The following ACAA1 variants were observed in gnomAD, a reference collection of about 807,000 sequenced individuals.
The protein encoded by ACAA1 is 3-ketoacyl-CoA thiolase, peroxisomal.
In ACAA1, 44 loss-of-function variants were observed where a neutral mutation model predicts 48.8. The ratio of observed to expected loss-of-function variants is 0.90; its 90% confidence interval spans 0.71 to 1.16. ACAA1 has a LOEUF of 1.16. Ranked by LOEUF, ACAA1 falls within the 50% of genes most tolerant of loss-of-function variation. The probability of loss-of-function intolerance (pLI) is 0.00; values close to 1 mark genes in which losing one functional copy is unlikely to be tolerated. For missense variants in ACAA1, 512 were observed against 562.3 expected (o/e 0.91, Z 0.90); for synonymous variants, 233 against 226.5 (o/e 1.03, Z -0.26).
chr3:38,125,480 A>T, intron 11 of ACAA1, 85 bp downstream of exon 11: 1 of 1,473,436 alleles, frequency 6.8e-7, no homozygotes. Flanking sequence ...TATGATCCAA[A>T]GCCCACCTAC....
chr3:38,125,969 G>C (rs1348058715), intron 9 of ACAA1, 88 bp from the exon 10 acceptor site: 1 of 1,582,710 alleles, frequency 6.3e-7, no homozygotes, highest in African/African-American at 1.3e-5. Context: ...AGGCTGCCTG[G>C]TGTGTGTCTC....
intron 9 of ACAA1, 103 bp from the exon 10 acceptor site, chr3:38,125,984 A>C: frequency 6.4e-7 from 1 of 1,558,564 alleles, no homozygotes; most frequent in Non-Finnish European, 8.8e-7. Flanking sequence ...TGTCTCTTCC[A>C]GAAGGGTGAG....
At chr3:38,124,402 TCCAGA>T in intron 11 of ACAA1, 1 of 152,238 alleles carries the variant, frequency 6.6e-6, no homozygotes, top group East Asian at 1.9e-4. Flanking sequence ...ACCCAGGAGT[TCCAGA>T]CCAGCCTGGG....
At position 38,136,675 on chromosome 3, in the gene ACAA1, G is replaced by C; in HGVS notation, c.182C>G (p.Pro61Arg). The C allele has an allele frequency of 3.7e-6, 6 of 1,612,318 alleles. No individual in the cohort carries two copies. The highest frequency in any genetic ancestry group is 5.1e-6 in the Non-Finnish European group (6 of 1,179,012). Residue 61 changes from proline to arginine, a missense_variant, in exon 2 of 12, where the codon CCC (proline) becomes CGC (arginine). Pro to Arg is a moderately radical substitution (Grantham distance 103, BLOSUM62 -2). Coordinates refer to ENST00000333167, the MANE Select transcript of ACAA1 (RefSeq NM_001607.4). Reference sequence around the variant, plus strand: ...CATGACTGCCGAGAGAAGCTCGTCGGGGGTGGTGTCCTGCAGCAGAAAGAG... The same window carrying C: ...CATGACTGCCGAGAGAAGCTCGTCGCGGGTGGTGTCCTGCAGCAGAAAGAG... ...AGRGGFKDTT[P>R]DELLSAVMTA... is the part of the protein sequence containing the mutation.
At chr3:38,128,589 A>G (rs1200330007) in intron 6 of ACAA1, among the ~76,000 whole-genome samples, 1 of 152,068 alleles carries the variant, frequency 6.6e-6, no homozygotes, top group Non-Finnish European at 1.5e-5. Flanking sequence ...AATGCCACAT[A>G]CTTTTCTTTT....
At chr3:38,134,802 C>T (rs1235261603) in intron 2 of ACAA1, among the ~76,000 whole-genome samples, 1 of 152,184 alleles carries the variant, frequency 6.6e-6, no homozygotes, top group Non-Finnish European at 1.5e-5. Flanking sequence ...CCAAGAAAGC[C>T]TGGGTATTTG....
intron 1 of ACAA1, 45 bp downstream of exon 1, chr3:38,136,820 C>T: frequency 1.3e-6 from 2 of 1,487,952 alleles, no homozygotes; most frequent in South Asian, 1.3e-5. Context: ...CCCCAGCCCG[C>T]GCCGGCGTCT....
chr3:38,123,280 C>T (rs765710557), intron 11 of ACAA1, 158 bp from the exon 12 acceptor site: 10 of 660,722 alleles, frequency 1.5e-5, no homozygotes, highest in Non-Finnish European at 1.9e-5. Context: ...GGCACACACA[C>T]GGTGACAGAT....
intron 3 of ACAA1, 167 bp downstream of exon 3, chr3:38,133,785 A>G: frequency 1.5e-6 from 1 of 660,276 alleles, no homozygotes; most frequent in Non-Finnish European, 2.7e-6. Context: ...TCAGCACTTC[A>G]AAGTAGGGGA....
At chr3:38,134,237 T>C (rs185055640) in intron 2 of ACAA1, 246 of 578,610 alleles carry the variant, frequency 4.3e-4, no homozygotes, top group Non-Finnish European at 5.9e-4. Context: ...CCACGCTCAC[T>C]TGCCCATGCA....
chr3:38,127,712 A>G (rs1700706006), intron 7 of ACAA1, 74 bp downstream of exon 7: 1 of 1,494,968 alleles, frequency 6.7e-7, no homozygotes, highest in Non-Finnish European at 9.3e-7. Context: ...AAATGGTGCC[A>G]CTTCAGACCA....
At chr3:38,127,113 T>C (rs567519570) in intron 7 of ACAA1, among the ~76,000 whole-genome samples, 1 of 152,342 alleles carries the variant, frequency 6.6e-6, no homozygotes, top group Admixed American at 6.5e-5. Flanking sequence ...AAGTGACATA[T>C]ACTAAACTAC....
In ACAA1 at chr3:38,122,947, A is replaced by C. The variant is rs1700566161; in HGVS notation, c.*100T>G. 2 of 1,194,302 alleles carry C rather than the reference A, an allele frequency of 1.7e-6. No homozygotes were observed. The highest frequency in any genetic ancestry group is 3.0e-5 in the African/African-American group (2 of 66,504). 74.0% of individuals were successfully genotyped at this position (1,194,302 alleles called of 1,614,324 possible). A position where few individuals can be genotyped will look rare whatever the true frequency, so the allele number is the denominator to read the frequency against. ...TGATCTGTCCACTGCCACCACCACC[A>C]GTGCTGAGTTTTCCCATGTGGTTTT... On this transcript the variant is annotated 3_prime_UTR_variant, in exon 12 of 12. Coordinates refer to ENST00000333167, the MANE Select transcript of ACAA1 (RefSeq NM_001607.4).
At chr3:38,128,781 C>A (rs1354729460) in intron 6 of ACAA1, among the ~76,000 whole-genome samples, 1 of 152,136 alleles carries the variant, frequency 6.6e-6, no homozygotes, top group East Asian at 1.9e-4. Context: ...TCAGTAGAGA[C>A]AGGGTTTCAC....
Position 38,126,813 on chromosome 3 carries a change from A to G in ACAA1, c.627-113T>C, listed in dbSNP as rs1700692414. The G allele has an allele frequency of 7.6e-7, 1 of 1,319,208 alleles. No individual in the cohort carries two copies. Among genetic ancestry groups the G allele is most frequent in the Non-Finnish European group, 1.1e-6 (1 of 951,742 alleles). The allele number at this position is 1,319,208 out of a possible 1,614,324, so 81.7% of individuals were successfully genotyped here. A position where few individuals can be genotyped will look rare whatever the true frequency, so the allele number is the denominator to read the frequency against. ...AGCTCAGGCTGCTAAATTCAGGGAC[A>G]TGCTCGACTTTGGGGGAGCTCTGAG... On this transcript the variant is annotated intron_variant, in intron 7 of 11. Transcript: ENST00000333167. The surrounding 1 kb of genome is among the most constrained non-coding windows in gnomAD (Gnocchi z 4.7).
chr3:38,125,946 T>A, intron 9 of ACAA1, 65 bp from the exon 10 acceptor site: 1 of 1,601,438 alleles, frequency 6.2e-7, no homozygotes, highest in Non-Finnish European at 8.6e-7. Context: ...GCCCACCCCA[T>A]CCATGGGCCT....
At position 38,126,244 on chromosome 3, in the gene ACAA1, C is replaced by G; in HGVS notation, c.915G>C (p.Arg305Ser). The change falls in exon 9 of 12, where the codon AGG (arginine) becomes AGC (serine). Residue 305 changes from arginine (R) to serine (S), a missense_variant. Coordinates refer to ENST00000333167, the MANE Select transcript of ACAA1 (RefSeq NM_001607.4). The surrounding 1 kb of genome is among the most constrained non-coding windows in gnomAD (Gnocchi z 4.7). ...GTGGGACCCCAACCACTGCATAAGA[C>G]CTCAGGACCCCAAGGATGGGAAGGC... ...ELGLPILGVL[R>S]SYAVVGVPPD... is the part of the protein sequence containing the mutation. 6.2e-7 allele frequency: 1 copy of G among 1,614,220 alleles called. No homozygotes were observed. Among genetic ancestry groups the G allele is most frequent in the Non-Finnish European group, 8.5e-7 (1 of 1,180,042 alleles).
In ACAA1 at chr3:38,126,210, T is replaced by C; in HGVS notation, c.949A>G (p.Met317Val). Residue 317 changes from methionine to valine, a missense_variant, in exon 9 of 12, where the codon ATG (methionine) becomes GTG (valine). Transcript: ENST00000333167. This position sits in a 1 kb window ranked among gnomAD's most constrained non-coding sequence, Gnocchi z 4.7. ...ATGGCATAGGCAGGTCCAATGCCCA[T>C]GATGTCAGGTGGGACCCCAACCACT... is the stretch of plus-strand genomic sequence containing the variant. ...YAVVGVPPDI[M>V]GIGPAYAIPV... The C allele has an allele frequency of 6.2e-7, 1 of 1,614,146 alleles. No homozygotes were observed. Among genetic ancestry groups the C allele is most frequent in the East Asian group, 2.2e-5 (1 of 44,888 alleles).
At chr3:38,125,786 C>T (rs1420924621) in intron 10 of ACAA1, 40 bp downstream of exon 10, 3 of 1,614,080 alleles carry the variant, frequency 1.9e-6, no homozygotes, top group Non-Finnish European at 2.5e-6. Flanking sequence ...TCCACCTCGG[C>T]TGTCCAGGGC....
Sources: allele counts gnomAD v4.1 joint callset (sites outside exome capture counted in the v4.1 genomes callset), GRCh38; gene constraint gnomAD v4.1.1; non-coding constraint Gnocchi (gnomAD v3.1); transcripts MANE v1.5; gene names NCBI Gene and HGNC (gene_info 2026-07-23, HGNC 2026-07-21).